The following GLS variants were observed in gnomAD, a reference collection of about 807,000 sequenced individuals.
The protein encoded by GLS is glutaminase.
Under a neutral mutation model 86.7 loss-of-function variants are expected in GLS, and 36 were observed. The observed-to-expected ratio is 0.42, with a 90% CI of 0.32 to 0.55. The LOEUF (loss-of-function observed/expected upper bound fraction) is 0.55. Ranked by LOEUF, GLS falls within the 20% of genes least tolerant of loss-of-function variation. GLS has a pLI of 0.17. For missense variants in GLS, 528 were observed against 833.4 expected (o/e 0.63, Z 4.51); for synonymous variants, 317 against 305.9 (o/e 1.04, Z -0.38).
chr2:190,924,033 T>C lies in GLS; in HGVS notation c.1197+50T>C, dbSNP rs772988365. The C allele has an allele frequency of 2.2e-6, 2 of 909,916 alleles. No individual in the cohort carries two copies. The highest frequency in any genetic ancestry group is 2.9e-5 in the South Asian group (2 of 69,098). The allele number at this position is 909,916 out of a possible 1,614,324, so 56.4% of individuals were successfully genotyped here. ...CAAATTATTCTTTCATTTAATAAAATACATGAAGATGTATGCTAAGAATTC... is the reference window on the plus strand; with the variant it reads ...CAAATTATTCTTTCATTTAATAAAACACATGAAGATGTATGCTAAGAATTC... On this transcript the variant is annotated intron_variant, in intron 10 of 17. Coordinates refer to ENST00000320717, the MANE Select transcript of GLS (RefSeq NM_014905.5). This position sits in a 1 kb window ranked among gnomAD's most constrained non-coding sequence, Gnocchi z 5.2.
At chr2:190,927,789 T>C (rs1349269416) in intron 12 of GLS, 2 of 177,392 alleles carry the variant, frequency 1.1e-5, no homozygotes, top group African/African-American at 4.7e-5. Context: ...ATTATGTATC[T>C]TAAGAATTCT....
intron 1 of GLS, among the ~76,000 whole-genome samples, chr2:190,888,176 A>G (rs1190695960): frequency 6.6e-6 from 1 of 152,064 alleles, no homozygotes; most frequent in East Asian, 1.9e-4. Context: ...TCTACTGTCT[A>G]CTCTTCTAAT....
At position 190,954,965 on chromosome 2, in the gene GLS, A is replaced by G; in HGVS notation, c.1853+147A>G. 1 of 608,198 alleles carries G rather than the reference A, an allele frequency of 1.6e-6. No individual in the cohort carries two copies. Among genetic ancestry groups the G allele is most frequent in the Non-Finnish European group, 2.9e-6 (1 of 348,778 alleles). The allele number at this position is 608,198 out of a possible 1,614,324, so 37.7% of individuals were successfully genotyped here. On this transcript the variant is annotated intron_variant, in intron 17 of 17. Coordinates refer to ENST00000320717, the MANE Select transcript of GLS (RefSeq NM_014905.5). The surrounding 1 kb of genome is among the most constrained non-coding windows in gnomAD (Gnocchi z 4.0). The stretch of plus-strand genomic sequence containing the variant: ...AGGCAATAAACCTTGTTTCTACTAG[A>G]TAGGTAATTCTGTCTCCCATATCCT...
rs3771312 is a variant in GLS at position 190,902,173 on chromosome 2, T to G, written c.815+147T>G. The G allele has an allele frequency of 0.11, 59,371 of 542,428 alleles. 4,741 individuals carry two copies. Among genetic ancestry groups the G allele is most frequent in the Admixed American group, 0.31 (9,615 of 30,970 alleles). 33.6% of individuals were successfully genotyped at this position (542,428 alleles called of 1,614,324 possible). A position where few individuals can be genotyped will look rare whatever the true frequency, so the allele number is the denominator to read the frequency against. Reference sequence around the variant, plus strand: ...AAAGGTAAATAAATTTAAATTTTAATGTAATTTTTAAAAACTCAAACAGTA... The same window carrying G: ...AAAGGTAAATAAATTTAAATTTTAAGGTAATTTTTAAAAACTCAAACAGTA... On this transcript the variant is annotated intron_variant, in intron 5 of 17. Transcript: ENST00000320717.
chr2:190,948,130 G>C (rs1021574007), intron 14 of GLS, among the ~76,000 whole-genome samples: 2 of 152,170 alleles, frequency 1.3e-5, no homozygotes, highest in African/African-American at 4.8e-5. Context: ...GCCTCCTAGT[G>C]CTTTTCTGTT....
chr2:190,936,240 T>G (rs1486915303), intron 14 of GLS, among the ~76,000 whole-genome samples: 3 of 151,152 alleles, frequency 2.0e-5, no homozygotes, highest in Non-Finnish European at 3.0e-5. Flanking sequence ...ACAGTGTATA[T>G]TTAATAGGCA....
At chr2:190,892,893 G>C (rs749894060) in intron 1 of GLS, among the ~76,000 whole-genome samples, 3 of 151,920 alleles carry the variant, frequency 2.0e-5, no homozygotes, top group Non-Finnish European at 4.4e-5. Context: ...TTTTTTGCTA[G>C]CTTTGGCAAT....
At chr2:190,889,764 CAG>C (rs996344395) in intron 1 of GLS, among the ~76,000 whole-genome samples, 44 of 152,166 alleles carry the variant, frequency 2.9e-4, no homozygotes, top group African/African-American at 9.6e-4. Context: ...CATGAGCTGA[CAG>C]GGGCAGCCTG....
chr2:190,930,778 G>A lies in GLS; in HGVS notation c.1557+210G>A, dbSNP rs917162460. ...TTAATTATTCCCACAGATTATATTT[G>A]TTAGATGCTAATATTTTAATTTTCA... On this transcript the variant is annotated intron_variant, in intron 13 of 17. Transcript: ENST00000320717. The surrounding 1 kb of genome is among the most constrained non-coding windows in gnomAD (Gnocchi z 5.0). Among the ~76,000 whole-genome samples the A allele has an allele frequency of 1.3e-5, 2 of 152,122 alleles. No homozygotes were observed. Among genetic ancestry groups the A allele is most frequent in the African/African-American group, 4.8e-5 (2 of 41,428 alleles).
Position 190,897,258 on chromosome 2 carries a change from C to G in GLS, c.605+1533C>G, listed in dbSNP as rs1178121752. Among the ~76,000 whole-genome samples, 1 of 152,090 alleles carries G rather than the reference C, an allele frequency of 6.6e-6. No individual in the cohort carries two copies. The highest frequency in any genetic ancestry group is 2.4e-5 in the African/African-American group (1 of 41,424). ...CAGGCTGGTCTCGAACTCCTGACCT[C>G]AGGTAATCCATCCGCCTCGGCCTCC... On this transcript the variant is annotated intron_variant, in intron 3 of 17. Transcript: ENST00000320717. This position sits in a 1 kb window ranked among gnomAD's most constrained non-coding sequence, Gnocchi z 4.3.
intron 14 of GLS, among the ~76,000 whole-genome samples, chr2:190,945,612 C>G (rs1690556888): frequency 6.6e-6 from 1 of 151,430 alleles, no homozygotes; most frequent in Non-Finnish European, 1.5e-5. Flanking sequence ...CTGCAGTGAG[C>G]CATGATTGCA....
chr2:190,902,991 G>A (rs1688999228), intron 5 of GLS, among the ~76,000 whole-genome samples: 1 of 152,110 alleles, frequency 6.6e-6, no homozygotes, highest in African/African-American at 2.4e-5. Context: ...GTTTAACCTA[G>A]TAATTTTAGA....
chr2:190,881,510 CG>C, intron 1 of GLS, 40 bp downstream of exon 1: 1 of 1,520,124 alleles, frequency 6.6e-7, no homozygotes, highest in Non-Finnish European at 8.9e-7. Flanking sequence ...TCGTTCCTTT[CG>C]GGGCCCGGGC....
At position 190,962,038 on chromosome 2, in the gene GLS, CCT is replaced by C. The variant is rs540212578; in HGVS notation, c.1854-791_1854-790del. Among the ~76,000 whole-genome samples, 154 of 152,256 alleles carry C rather than the reference CCT, an allele frequency of 1.0e-3. 2 individuals are homozygous for C. Among genetic ancestry groups the C allele is most frequent in the African/African-American group, 3.7e-3 (154 of 41,550 alleles). ...AGTGTAAGGGAACTACCCATCGTACCCTGTCATTGACTAGGGCTGTGAGTTAT... is the reference window on the plus strand; with the variant it reads ...AGTGTAAGGGAACTACCCATCGTACCGTCATTGACTAGGGCTGTGAGTTAT... On this transcript the variant is annotated intron_variant, in intron 17 of 17. Transcript: ENST00000320717. The surrounding 1 kb of genome is among the most constrained non-coding windows in gnomAD (Gnocchi z 4.2).
In GLS at chr2:190,881,114, G is replaced by C. The variant is rs911382019; in HGVS notation, c.30G>C (p.Leu10=). 4.5e-6 allele frequency: 7 copies of C among 1,561,424 alleles called. No homozygotes were observed. The African/African-American group carries it at 9.5e-5, about 21-fold the overall frequency. MMRLRGSGM[L]RDLLLRSPAG... ...TGCGGCTGCGAGGCTCGGGGATGCT[G>C]CGGGACCTGCTCCTGCGGTCGCCCG... Residue 10 remains leucine (L), a synonymous_variant, in exon 1 of 18, where the codon CTG becomes CTC. Coordinates refer to ENST00000320717, the MANE Select transcript of GLS (RefSeq NM_014905.5).
At chr2:190,902,348 A>G (rs576919794) in intron 5 of GLS, among the ~76,000 whole-genome samples, 2 of 152,220 alleles carry the variant, frequency 1.3e-5, no homozygotes, top group Non-Finnish European at 2.9e-5. Flanking sequence ...CTGACTACTA[A>G]TAAAATTAGT....
rs867993124 is a variant in GLS at position 190,881,091 on chromosome 2, C to T, written c.7C>T (p.Arg3Trp). 3.2e-6 allele frequency: 5 copies of T among 1,559,456 alleles called. No homozygotes were observed. The highest frequency in any genetic ancestry group is 2.4e-5 in the East Asian group (1 of 42,026). Residue 3 changes from arginine (R) to tryptophan (W), a missense_variant, in exon 1 of 18, where the codon CGG becomes TGG. Physicochemically the swap from Arg to Trp is moderately radical, Grantham distance 101 (BLOSUM62 -3). Around this residue, in one of 4 missense-constraint regions of GLS, gnomAD observed 224 missense variants for 187.9 expected, o/e 1.19. Transcript: ENST00000320717. MMRLRGSGMLRDL... is the reference protein window; with the variant it reads MMWLRGSGMLRDL... ...CGCTGACGGACCCGGCGGCATGATGCGGCTGCGAGGCTCGGGGATGCTGCG... is the reference window on the plus strand; with the variant it reads ...CGCTGACGGACCCGGCGGCATGATGTGGCTGCGAGGCTCGGGGATGCTGCG...
intron 14 of GLS, among the ~76,000 whole-genome samples, chr2:190,952,973 A>C (rs182101850): frequency 6.6e-6 from 1 of 152,284 alleles, no homozygotes; most frequent in Admixed American, 6.5e-5. Context: ...GGAGTTGAGA[A>C]ACTTTTAAAC....
At chr2:190,894,592 A>G (rs959535790) in intron 1 of GLS, among the ~76,000 whole-genome samples, 1 of 152,224 alleles carries the variant, frequency 6.6e-6, no homozygotes, top group African/African-American at 2.4e-5. Context: ...AAACTGGATC[A>G]CAGAAAGGTT....
Sources: gnomAD v4.1 joint callset for allele counts (sites outside exome capture counted in the v4.1 genomes callset) on GRCh38, gnomAD v4.1.1 for gene constraint, gnomAD v4.1.1 regional missense constraint, Gnocchi (gnomAD v3.1) non-coding constraint, MANE v1.5 for transcripts, NCBI Gene and HGNC (gene_info 2026-07-23, HGNC 2026-07-21) for gene names.